HBS1L: variants seen among roughly 807,000 people sequenced by gnomAD.
The protein encoded by HBS1L is HBS1-like protein.
Under a neutral mutation model 88.9 loss-of-function variants are expected in HBS1L, and 55 were observed. That is an observed-to-expected ratio of 0.62 (90% CI 0.50 to 0.77). The LOEUF (loss-of-function observed/expected upper bound fraction) is 0.77, where lower values mean the gene tolerates loss of function less well. Ranked by LOEUF, HBS1L falls within the 30% of genes least tolerant of loss-of-function variation. HBS1L has a pLI of 0.00. For missense variants in HBS1L, 741 were observed against 829.3 expected, an observed-to-expected ratio of 0.89 and a Z score of 1.31; for synonymous variants, 267 against 288.5, an observed-to-expected ratio of 0.93 and a Z score of 0.76.
chr6:135,027,129 T>TTGCAGTG (rs1329739782), intron 4 of HBS1L: 7 of 134,964 alleles, frequency 5.2e-5, no homozygotes, highest in Admixed American at 4.3e-4. Flanking sequence ...GAGGCGGAGG[T>TTGCAGTG]TGCAGTGAGC....
intron 4 of HBS1L, among the ~76,000 whole-genome samples, chr6:135,021,015 G>A (rs1776056909): frequency 6.6e-6 from 1 of 151,952 alleles, no homozygotes; most frequent in African/African-American, 2.4e-5. Flanking sequence ...GTATAAAAAT[G>A]AAGACTTCAG....
At chr6:135,000,779 C>G (rs1365920942) in intron 5 of HBS1L, among the ~76,000 whole-genome samples, 2 of 152,050 alleles carry the variant, frequency 1.3e-5, no homozygotes, top group Non-Finnish European at 2.9e-5. Flanking sequence ...GTTGGTATCA[C>G]AAGCATGAGC....
chr6:134,990,801 C>A (rs928387190), intron 8 of HBS1L, among the ~76,000 whole-genome samples: 1 of 152,182 alleles, frequency 6.6e-6, no homozygotes, highest in Admixed American at 6.5e-5. Context: ...ATCTGCCCAC[C>A]TCAGCCTCCC....
chr6:135,005,681 G>A (rs1271078246), intron 4 of HBS1L, among the ~76,000 whole-genome samples: 5 of 152,270 alleles, frequency 3.3e-5, no homozygotes, highest in Admixed American at 6.5e-5. Context: ...AATAAATTAC[G>A]AAGAGATCAT....
intron 4 of HBS1L, among the ~76,000 whole-genome samples, chr6:135,015,782 T>G (rs1047109940): frequency 1.3e-5 from 2 of 151,924 alleles, no homozygotes; most frequent in Non-Finnish European, 2.9e-5. Context: ...GGGGTTTCGC[T>G]GTGTTGCCCA....
chr6:134,969,559 T>C (rs940848961), intron 15 of HBS1L, among the ~76,000 whole-genome samples: 1 of 152,218 alleles, frequency 6.6e-6, no homozygotes, highest in Non-Finnish European at 1.5e-5. Flanking sequence ...ACCCCACCAA[T>C]TACTGCATCA....
chr6:134,989,691 T>C lies in HBS1L; in HGVS notation c.1084-1900A>G, dbSNP rs190396755. On this transcript the variant is annotated intron_variant, in intron 8 of 17. Transcript: ENST00000367837. ...TTGGTGGGATAATTTACACTATTCC[T>C]GTTTCCTTTTACTCGTACCTAAATA... Among the ~76,000 whole-genome samples, 1,385 of 152,352 alleles carry C rather than the reference T, an allele frequency of 9.1e-3. 15 individuals are homozygous for C. Among genetic ancestry groups the C allele is most frequent in the Non-Finnish European group, 0.016 (1,115 of 68,020 alleles).
intron 4 of HBS1L, among the ~76,000 whole-genome samples, chr6:135,016,750 TTATGA>T (rs1465174530): frequency 3.3e-5 from 5 of 150,964 alleles, no homozygotes; most frequent in Non-Finnish European, 5.9e-5. Context: ...GAAGTTTATT[TTATGA>T]TATATTTTAC....
rs774135102 is a variant in HBS1L, at chr6:135,054,700, A to T, written c.-9T>A. 6.2e-7 allele frequency: 1 copy of T among 1,614,222 alleles called. No homozygotes were observed. Among genetic ancestry groups the T allele is most frequent in the East Asian group, 2.2e-5 (1 of 44,880 alleles). ...TTCCGATGCCGGGCCATGACGGCGG[A>T]GAGGGCGTTTGCCACAGCCCCTTAA... On this transcript the variant is annotated 5_prime_UTR_variant, in exon 1 of 18. Coordinates refer to ENST00000367837, the MANE Select transcript of HBS1L (RefSeq NM_006620.4).
chr6:135,041,606 T>C (rs149036614), intron 3 of HBS1L, among the ~76,000 whole-genome samples: 22 of 152,258 alleles, frequency 1.4e-4, no homozygotes, highest in African/African-American at 5.1e-4. Context: ...CTGGTTTTTT[T>C]TGAAACCTCT....
At chr6:134,971,550 G>T (rs1774488145) in intron 15 of HBS1L, among the ~76,000 whole-genome samples, 1 of 152,280 alleles carries the variant, frequency 6.6e-6, no homozygotes, top group South Asian at 2.1e-4. Flanking sequence ...GGTTGTGGCA[G>T]CATGAAGTTA....
chr6:135,045,610 T>C (rs940186623), intron 2 of HBS1L, among the ~76,000 whole-genome samples: 1 of 152,060 alleles, frequency 6.6e-6, no homozygotes, highest in African/African-American at 2.4e-5. Context: ...TCCAGGCAGG[T>C]GGATCACCTG....
intron 14 of HBS1L, 27 bp downstream of exon 14, chr6:134,979,151 G>A: frequency 6.5e-7 from 1 of 1,533,058 alleles, no homozygotes. Context: ...GAAGACAACG[G>A]TTGCTTAAAC....
At position 135,042,063 on chromosome 6, in the gene HBS1L, T is replaced by C. The variant is rs199530029; in HGVS notation, c.173A>G (p.Tyr58Cys). Residue 58 changes from tyrosine to cysteine, a missense_variant, in exon 3 of 18, where the codon TAT (tyrosine) becomes TGT (cysteine). Transcript: ENST00000367837. The stretch of plus-strand genomic sequence containing the variant: ...ATTGGAAGATTCTTTCAGATCTTCA[T>C]AATCATATTCTTCCACAGGCTCAAC... ...PSVEPVEEYDYEDLKESSNSV... is the reference protein window; with the variant it reads ...PSVEPVEEYDCEDLKESSNSV... 28 of 1,613,194 alleles carry C rather than the reference T, an allele frequency of 1.7e-5. No individual in the cohort carries two copies. Among genetic ancestry groups the C allele is most frequent in the Non-Finnish European group, 2.5e-6 (3 of 1,179,526 alleles).
intron 5 of HBS1L, among the ~76,000 whole-genome samples, chr6:135,001,734 G>A (rs926529374): frequency 2.6e-5 from 4 of 152,054 alleles, no homozygotes; most frequent in Non-Finnish European, 4.4e-5. Flanking sequence ...CTATGTCCTA[G>A]ATAAGGAGTC....
chr6:134,977,183 G>A (rs550609096), intron 15 of HBS1L, among the ~76,000 whole-genome samples: 36 of 151,842 alleles, frequency 2.4e-4, no homozygotes, highest in African/African-American at 8.7e-4. Context: ...AATATATGCT[G>A]GCAGAATCTC....
chr6:135,053,903 T>C (rs1242678940), intron 1 of HBS1L, among the ~76,000 whole-genome samples: 3 of 152,276 alleles, frequency 2.0e-5, no homozygotes, highest in African/African-American at 7.2e-5. Flanking sequence ...AGAACATTCA[T>C]ACAGACATTT....
intron 13 of HBS1L, among the ~76,000 whole-genome samples, chr6:134,981,409 A>C (rs1000639882): frequency 6.6e-6 from 1 of 151,946 alleles, no homozygotes; most frequent in Non-Finnish European, 1.5e-5. Context: ...AAATGGAAAT[A>C]ACTGATTTTC....
rs1372452015 is a variant in HBS1L, at chr6:134,962,586, G to A, written c.*2693C>T. On this transcript the variant is annotated 3_prime_UTR_variant, in exon 18 of 18. Transcript: ENST00000367837. ...AGAGGCTCAATTGTCATGAATGTGTGAATAATACTAACAAGTCAAAACATA... is the reference window on the plus strand; with the variant it reads ...AGAGGCTCAATTGTCATGAATGTGTAAATAATACTAACAAGTCAAAACATA... 6.6e-6 allele frequency: 1 copy of A among 152,178 alleles called. No individual in the cohort carries two copies. Among genetic ancestry groups the A allele is most frequent in the African/African-American group, 2.4e-5 (1 of 41,446 alleles). 9.4% of individuals were successfully genotyped at this position (152,178 alleles called of 1,614,324 possible). A position where few individuals can be genotyped will look rare whatever the true frequency, so the allele number is the denominator to read the frequency against.
Sources: gnomAD v4.1 joint callset for allele counts (sites outside exome capture counted in the v4.1 genomes callset) on GRCh38, gnomAD v4.1.1 for gene constraint, MANE v1.5 for transcripts, NCBI Gene and HGNC (gene_info 2026-07-23, HGNC 2026-07-21) for gene names.